MERTK: variants seen among roughly 807,000 people sequenced by gnomAD.
The protein encoded by MERTK is tyrosine-protein kinase Mer.
Under a neutral mutation model 99.3 loss-of-function variants are expected in MERTK, and 69 were observed. The observed-to-expected ratio is 0.70, with a 90% CI of 0.57 to 0.85. MERTK has a LOEUF of 0.85. MERTK is among the 40% of genes least tolerant of loss of function. The pLI, the probability that MERTK is intolerant of heterozygous loss-of-function variation, is 0.00. For synonymous variants in MERTK, 426 were observed against 467.6 expected (o/e 0.91, Z 1.15); for missense variants, 1,125 against 1,249.4 (o/e 0.90, Z 1.50).
At chr2:111,934,123 T>C (rs573028547) in intron 2 of MERTK, among the ~76,000 whole-genome samples, 1 of 152,308 alleles carries the variant, frequency 6.6e-6, no homozygotes, top group African/African-American at 2.4e-5. Flanking sequence ...AGTCCATCAT[T>C]GATGGACATT....
At chr2:111,917,379 G>A (rs547206102) in intron 1 of MERTK, among the ~76,000 whole-genome samples, 2 of 152,252 alleles carry the variant, frequency 1.3e-5, no homozygotes, top group East Asian at 3.9e-4. Flanking sequence ...TGGGGACGGG[G>A]CCGTGATGTG....
chr2:111,962,184 G>A (rs368614955), intron 4 of MERTK, among the ~76,000 whole-genome samples: 2 of 152,182 alleles, frequency 1.3e-5, no homozygotes, highest in Admixed American at 6.5e-5. Context: ...CAACTACATA[G>A]TAAATACTTG....
Position 111,945,022 on chromosome 2 carries a change from A to C in MERTK, c.545A>C (p.Glu182Ala). 6.2e-7 allele frequency: 1 copy of C among 1,613,772 alleles called. No individual in the cohort carries two copies. The highest frequency in any genetic ancestry group is 1.1e-5 in the South Asian group (1 of 91,078). The change falls in exon 3 of 19, where the codon GAA (glutamate) becomes GCA (alanine). Residue 182 changes from glutamate to alanine, a missense_variant. Coordinates refer to ENST00000295408, the MANE Select transcript of MERTK (RefSeq NM_006343.3). ...SYICKMKINNEEIVSDPIYIE... is the reference protein window; with the variant it reads ...SYICKMKINNAEIVSDPIYIE... ...ATCTGTAAGATGAAAATAAACAATG[A>C]AGAGATCGTGTCTGATCCCATCTAC...
At chr2:111,965,298 C>T (rs1431109469) in intron 5 of MERTK, 21 bp downstream of exon 5, 17 of 1,611,812 alleles carry the variant, frequency 1.1e-5, no homozygotes, top group East Asian at 2.2e-5. Context: ...AGGCTAGGCT[C>T]CCCATGCATG....
chr2:111,984,015 A>G (rs757822419), intron 8 of MERTK, among the ~76,000 whole-genome samples: 6 of 152,190 alleles, frequency 3.9e-5, no homozygotes, highest in South Asian at 4.1e-4. Flanking sequence ...GACTCATGCA[A>G]TTACAGAGGC....
At position 111,991,222 on chromosome 2, in the gene MERTK, A is replaced by G. The variant is rs1047826867; in HGVS notation, c.1297-3029A>G. ...ATCAAAACTAGTTTGCAGTAAATAC[A>G]ATGCTCTATTTATGTTTTTTTGTTG... On this transcript the variant is annotated intron_variant, in intron 8 of 18. Coordinates refer to ENST00000295408, the MANE Select transcript of MERTK (RefSeq NM_006343.3). Among the ~76,000 whole-genome samples, 36 of 152,252 alleles carry G rather than the reference A, an allele frequency of 2.4e-4. 1 individual carries two copies. Among genetic ancestry groups the G allele is most frequent in the African/African-American group, 7.7e-4 (32 of 41,536 alleles).
chr2:112,022,096 C>T (rs915676012), intron 17 of MERTK, among the ~76,000 whole-genome samples, 162 bp from the exon 18 acceptor site: 6 of 152,192 alleles, frequency 3.9e-5, no homozygotes, highest in Non-Finnish European at 8.8e-5. Context: ...GACACTCCAA[C>T]CCCACGTTAT....
At chr2:112,000,639 C>T (rs757932820) in intron 10 of MERTK, among the ~76,000 whole-genome samples, 1 of 152,172 alleles carries the variant, frequency 6.6e-6, no homozygotes, top group Non-Finnish European at 1.5e-5. Context: ...CATGATGTAT[C>T]ACTGTTGATG....
chr2:111,945,112 C>A, intron 3 of MERTK, 52 bp downstream of exon 3: 1 of 1,393,370 alleles, frequency 7.2e-7, no homozygotes, highest in Non-Finnish European at 1.0e-6. Context: ...GTTTTAGGGC[C>A]TGTGTTAAAT....
intron 4 of MERTK, among the ~76,000 whole-genome samples, chr2:111,955,065 G>T (rs1030565236): frequency 8.6e-6 from 1 of 116,902 alleles, no homozygotes; most frequent in Non-Finnish European, 1.9e-5. Context: ...ATAAAGCAGT[G>T]AGTGTTCCCA....
intron 8 of MERTK, among the ~76,000 whole-genome samples, chr2:111,988,041 A>G (rs1464051612): frequency 6.7e-6 from 1 of 150,148 alleles, no homozygotes; most frequent in African/African-American, 2.5e-5. Flanking sequence ...TCAGGCTGGA[A>G]TGCAGTGGCA....
chr2:111,977,920 T>A (rs1446931338), intron 7 of MERTK, among the ~76,000 whole-genome samples: 1 of 152,122 alleles, frequency 6.6e-6, no homozygotes, highest in Non-Finnish European at 1.5e-5. Context: ...TTTTGGACCA[T>A]CCAGAATGCA....
intron 7 of MERTK, among the ~76,000 whole-genome samples, chr2:111,978,245 GT>G (rs1312153271): frequency 1.3e-5 from 2 of 151,876 alleles, no homozygotes; most frequent in Non-Finnish European, 2.9e-5. Context: ...TGCCTCCTGA[GT>G]TCAAGCAATT....
intron 11 of MERTK, among the ~76,000 whole-genome samples, chr2:112,002,353 G>A (rs972377329): frequency 6.6e-6 from 1 of 152,132 alleles, no homozygotes; most frequent in African/African-American, 2.4e-5. Flanking sequence ...CCTGTGGTTT[G>A]TGAGACTCCG....
At chr2:111,906,371 T>C (rs1207330295) in intron 1 of MERTK, among the ~76,000 whole-genome samples, 3 of 152,260 alleles carry the variant, frequency 2.0e-5, no homozygotes, top group Non-Finnish European at 4.4e-5. Flanking sequence ...AGGAATTGTT[T>C]TGTTATTTTA....
chr2:111,901,535 G>A (rs1684042397), intron 1 of MERTK, among the ~76,000 whole-genome samples: 1 of 151,172 alleles, frequency 6.6e-6, no homozygotes, highest in African/African-American at 2.4e-5. Context: ...AGTGCTGAGT[G>A]GAATTCTTTT....
Position 111,930,270 on chromosome 2 carries a change from A to G in MERTK, c.482+730A>G, listed in dbSNP as rs567199438. ...TTCTGGGCTATAGTGTGCTATGCCAATTGGGTATCTGCATCAATATGGGGA... is the reference window on the plus strand; with the variant it reads ...TTCTGGGCTATAGTGTGCTATGCCAGTTGGGTATCTGCATCAATATGGGGA... On this transcript the variant is annotated intron_variant, in intron 2 of 18. Coordinates refer to ENST00000295408, the MANE Select transcript of MERTK (RefSeq NM_006343.3). The G allele has an allele frequency of 3.9e-5, 6 of 152,382 alleles. No individual in the cohort carries two copies. The South Asian group carries it at 8.3e-4, about 21-fold the overall frequency. The allele number at this position is 152,382 out of a possible 1,614,324, so 9.4% of individuals were successfully genotyped here. A position where few individuals can be genotyped will look rare whatever the true frequency, so the allele number is the denominator to read the frequency against.
chr2:111,922,286 C>T (rs977370826), intron 1 of MERTK, among the ~76,000 whole-genome samples: 3 of 152,212 alleles, frequency 2.0e-5, no homozygotes, highest in African/African-American at 7.2e-5. Context: ...TTTCTTTAGT[C>T]ACCTCGGTGA....
intron 2 of MERTK, among the ~76,000 whole-genome samples, chr2:111,941,614 C>CCAG (rs1363217463): frequency 6.6e-6 from 1 of 152,106 alleles, no homozygotes; most frequent in East Asian, 1.9e-4. Flanking sequence ...GGGAGGAGAG[C>CCAG]CAGGGACAGC....
Sources: gnomAD v4.1 joint callset for allele counts (sites outside exome capture counted in the v4.1 genomes callset) on GRCh38, gnomAD v4.1.1 for gene constraint, MANE v1.5 for transcripts, NCBI Gene and HGNC (gene_info 2026-07-23, HGNC 2026-07-21) for gene names.